The following IQCH variants were observed in gnomAD, a reference collection of about 807,000 sequenced individuals.
IQCH encodes the protein IQ motif containing H, also known as IQ domain-containing protein H.
IQCH carries 98 observed loss-of-function variants against 117.0 expected under a neutral mutation model. That is an observed-to-expected ratio of 0.84 (90% CI 0.71 to 0.99). IQCH has a LOEUF of 0.99. Among genes scored for constraint, IQCH ranks in the 50% least tolerant of loss-of-function variants. IQCH has a pLI of 0.00. For synonymous variants in IQCH, 412 were observed against 448.2 expected, an observed-to-expected ratio of 0.92 and a Z score of 1.02; for missense variants, 1,102 against 1,243.8, an observed-to-expected ratio of 0.89 and a Z score of 1.72.
chr15:67,365,580 A>T lies in IQCH; in HGVS notation c.753+5695A>T, dbSNP rs573778175. 5.8e-4 allele frequency among the ~76,000 whole-genome samples: 89 copies of T among 152,258 alleles called. 2 individuals carry two copies. The South Asian group carries it at 0.018, about 32-fold the overall frequency. ...GAGAGAGGCAATAATCAGATATTTA[A>T]TATAATATCAAAGAGTGAGATAAGT... On this transcript the variant is annotated intron_variant, in intron 8 of 20. Transcript: ENST00000335894. The surrounding 1 kb of genome is among the most constrained non-coding windows in gnomAD (Gnocchi z 4.4).
intron 4 of IQCH, among the ~76,000 whole-genome samples, chr15:67,295,477 A>G (rs1244013287): frequency 6.6e-6 from 1 of 152,098 alleles, no homozygotes; most frequent in Non-Finnish European, 1.5e-5. Context: ...CTCTTTTGCT[A>G]TGTGGGATGA....
rs931169918 is a variant in IQCH at position 67,254,840 on chromosome 15, A to G, written c.-57A>G. ...CATGGGGACGAGCGGCTCCGGCTGA[A>G]GGTTTCCGTGCTTGGAAACCGCGCC... On this transcript the variant is annotated 5_prime_UTR_variant, in exon 1 of 21. Transcript: ENST00000335894. 1.9e-6 allele frequency: 3 copies of G among 1,562,364 alleles called. No homozygotes were observed. Among genetic ancestry groups the G allele is most frequent in the East Asian group, 2.3e-5 (1 of 42,966 alleles).
At chr15:67,363,084 G>A (rs1405314705) in intron 8 of IQCH, among the ~76,000 whole-genome samples, 1 of 151,952 alleles carries the variant, frequency 6.6e-6, no homozygotes, top group African/African-American at 2.4e-5. Flanking sequence ...CAAGTCCAAA[G>A]CTATTTTTTT....
At chr15:67,268,266 G>C (rs957038481) in intron 3 of IQCH, among the ~76,000 whole-genome samples, 8 of 152,220 alleles carry the variant, frequency 5.3e-5, no homozygotes, top group African/African-American at 1.7e-4. Context: ...GCCAGCAAAT[G>C]CAAGATTCTC....
intron 4 of IQCH, among the ~76,000 whole-genome samples, chr15:67,288,911 T>G (rs919298177): frequency 6.6e-6 from 1 of 152,130 alleles, no homozygotes; most frequent in African/African-American, 2.4e-5. Flanking sequence ...TGGTCAGGGA[T>G]GCGAGAGGCT....
In IQCH at chr15:67,475,870, A is replaced by T. The variant is rs776525464; in HGVS notation, c.2799+52A>T. ...GCGGCCAAAGACATGCCTGTGGGTG[A>T]TCTAGGTAGCTAATAATTTGGTGCC... On this transcript the variant is annotated intron_variant, in intron 18 of 20. Coordinates refer to ENST00000335894, the MANE Select transcript of IQCH (RefSeq NM_001031715.3). The surrounding 1 kb of genome is among the most constrained non-coding windows in gnomAD (Gnocchi z 5.7). The T allele has an allele frequency of 4.0e-6, 6 of 1,518,138 alleles. No homozygotes were observed. The highest frequency in any genetic ancestry group is 3.6e-6 in the Non-Finnish European group (4 of 1,098,602). 94.0% of individuals were successfully genotyped at this position (1,518,138 alleles called of 1,614,324 possible). A position where few individuals can be genotyped will look rare whatever the true frequency, so the allele number is the denominator to read the frequency against.
At position 67,401,748 on chromosome 15, in the gene IQCH, A is replaced by C. The variant is rs1971666910; in HGVS notation, c.2097+1443A>C. 6.6e-6 allele frequency among the ~76,000 whole-genome samples: 1 copy of C among 152,194 alleles called. No individual in the cohort carries two copies. The highest frequency in any genetic ancestry group is 2.4e-5 in the African/African-American group (1 of 41,458). Reference sequence around the variant, plus strand: ...ACCTGTCATGGCCAGCTTTTTACATATTATTTAAAAGACACCAAAATGAAT... The same window carrying C: ...ACCTGTCATGGCCAGCTTTTTACATCTTATTTAAAAGACACCAAAATGAAT... On this transcript the variant is annotated intron_variant, in intron 14 of 20. Transcript: ENST00000335894. The surrounding 1 kb of genome is among the most constrained non-coding windows in gnomAD (Gnocchi z 4.7).
In IQCH at chr15:67,388,511, A is replaced by C. The variant is rs1371087841; in HGVS notation, c.1457-320A>C. ...TTAAAGCAGTATGTGATTCCCATTG[A>C]TGTTAATGGGAGTTGTGTGGCTAAA... On this transcript the variant is annotated intron_variant, in intron 11 of 20. Coordinates refer to ENST00000335894, the MANE Select transcript of IQCH (RefSeq NM_001031715.3). This position sits in a 1 kb window ranked among gnomAD's most constrained non-coding sequence, Gnocchi z 5.5. 6.6e-6 allele frequency among the ~76,000 whole-genome samples: 1 copy of C among 152,234 alleles called. No individual in the cohort carries two copies.
intron 18 of IQCH, among the ~76,000 whole-genome samples, chr15:67,484,930 C>T (rs2083434858): frequency 6.6e-6 from 1 of 151,334 alleles, no homozygotes; most frequent in Non-Finnish European, 1.5e-5. Flanking sequence ...AAAGAAGGAC[C>T]AAATCATTGA....
In IQCH at chr15:67,441,122, C is replaced by CAAAAAA. The variant is rs200254535; in HGVS notation, c.2505+19571_2505+19576dup. 1.8e-3 allele frequency among the ~76,000 whole-genome samples: 98 copies of CAAAAAA among 53,990 alleles called. 10 individuals are homozygous for CAAAAAA. Among genetic ancestry groups the CAAAAAA allele is most frequent in the African/African-American group, 3.5e-3 (50 of 14,090 alleles). 35.4% of individuals were successfully genotyped at this position (53,990 alleles called of 152,430 possible). On this transcript the variant is annotated intron_variant, in intron 16 of 20. Transcript: ENST00000335894. ...AACTCAACTCCTTTTGCAATAGCTGCAAAAAAAAAAAAAAAAAAAAAAAAA... is the reference window on the plus strand; with the variant it reads ...AACTCAACTCCTTTTGCAATAGCTGCAAAAAAAAAAAAAAAAAAAAAAAAAAAAAAA...
chr15:67,333,966 GAGGATCATCTGAGCTC>G (rs1968781130), intron 4 of IQCH, among the ~76,000 whole-genome samples: 2 of 152,052 alleles, frequency 1.3e-5, no homozygotes, highest in Admixed American at 6.6e-5. Context: ...GCTGAGGTGG[GAGGATCATCTGAGCTC>G]AGGAGGTGAA....
intron 8 of IQCH, among the ~76,000 whole-genome samples, chr15:67,367,864 T>A (rs565718359): frequency 1.4e-4 from 22 of 152,308 alleles, no homozygotes; most frequent in Admixed American, 2.0e-4. Flanking sequence ...TTGGGTTGTT[T>A]AGGAACAGAA....
chr15:67,407,582 TG>T lies in IQCH; in HGVS notation c.2097+7279del, dbSNP rs1971957672. On this transcript the variant is annotated intron_variant, in intron 14 of 20. Coordinates refer to ENST00000335894, the MANE Select transcript of IQCH (RefSeq NM_001031715.3). The surrounding 1 kb of genome is among the most constrained non-coding windows in gnomAD (Gnocchi z 5.3). ...TATAATAATCAGCTACCCAAGCTGT[TG>T]GTTTGTGTGTCCTATTGATTTAATA... 6.6e-6 allele frequency: 1 copy of T among 152,158 alleles called. No homozygotes were observed. Among genetic ancestry groups the T allele is most frequent in the Non-Finnish European group, 1.5e-5 (1 of 68,018 alleles). The allele number at this position is 152,158 out of a possible 1,614,324, so 9.4% of individuals were successfully genotyped here.
intron 4 of IQCH, among the ~76,000 whole-genome samples, chr15:67,289,736 A>C (rs915877871): frequency 5.3e-5 from 8 of 152,162 alleles, no homozygotes; most frequent in Admixed American, 4.6e-4. Flanking sequence ...GCTCTTATCA[A>C]CATTTAGGGG....
chr15:67,466,323 T>C lies in IQCH; in HGVS notation c.2676+1026T>C, dbSNP rs1486612243. 2.0e-5 allele frequency among the ~76,000 whole-genome samples: 3 copies of C among 152,224 alleles called. No homozygotes were observed. The highest frequency in any genetic ancestry group is 4.4e-5 in the Non-Finnish European group (3 of 68,032). On this transcript the variant is annotated intron_variant, in intron 17 of 20. Coordinates refer to ENST00000335894, the MANE Select transcript of IQCH (RefSeq NM_001031715.3). This position sits in a 1 kb window ranked among gnomAD's most constrained non-coding sequence, Gnocchi z 4.4. ...TTGTGCAAGAGTGTATTGGGGACTCTCTGGCCACGGTGCTCTCACAGCTGC... is the reference window on the plus strand; with the variant it reads ...TTGTGCAAGAGTGTATTGGGGACTCCCTGGCCACGGTGCTCTCACAGCTGC...
chr15:67,263,025 C>A, intron 2 of IQCH, 97 bp from the exon 3 acceptor site: 1 of 730,380 alleles, frequency 1.4e-6, no homozygotes, highest in Admixed American at 2.3e-5. Flanking sequence ...GTGGTTTTGG[C>A]TTAATTACAG....
At chr15:67,310,117 T>C (rs538207728) in intron 4 of IQCH, among the ~76,000 whole-genome samples, 1 of 79,128 alleles carries the variant, frequency 1.3e-5, no homozygotes, top group South Asian at 3.7e-4. Flanking sequence ...TAATGTTCAT[T>C]TTCAAATTGG....
chr15:67,444,663 C>A (rs2082354094), intron 16 of IQCH, among the ~76,000 whole-genome samples: 1 of 152,138 alleles, frequency 6.6e-6, no homozygotes, highest in African/African-American at 2.4e-5. Flanking sequence ...TGGGTTTTAT[C>A]TTTCTAGATA....
intron 4 of IQCH, among the ~76,000 whole-genome samples, chr15:67,302,846 G>C (rs184662682): frequency 1.2e-4 from 19 of 152,284 alleles, no homozygotes; most frequent in African/African-American, 4.6e-4. Context: ...GACAGAGCGA[G>C]ACTCCGTCTC....
Sources: allele counts gnomAD v4.1 joint callset (sites outside exome capture counted in the v4.1 genomes callset), GRCh38; gene constraint gnomAD v4.1.1; non-coding constraint Gnocchi (gnomAD v3.1); transcripts MANE v1.5; gene names NCBI Gene and HGNC (gene_info 2026-07-23, HGNC 2026-07-21).